The following PLEKHH1 variants were observed in gnomAD, a reference collection of about 807,000 sequenced individuals.
The protein encoded by PLEKHH1 is pleckstrin homology, MyTH4 and FERM domain containing H1, also known as pleckstrin homology domain-containing family H member 1.
A neutral mutation model predicts 160.0 loss-of-function variants in PLEKHH1; 104 were observed. The ratio of observed to expected loss-of-function variants is 0.65; its 90% confidence interval spans 0.55 to 0.76. PLEKHH1 has a LOEUF of 0.76. Ranked by LOEUF, PLEKHH1 falls within the 30% of genes least tolerant of loss-of-function variation. The pLI, the probability that PLEKHH1 is intolerant of heterozygous loss-of-function variation, is 0.00. For synonymous variants in PLEKHH1, 619 were observed against 678.4 expected (o/e 0.91, Z 1.36); for missense variants, 1,427 against 1,724.1 (o/e 0.83, Z 3.05).
intron 2 of PLEKHH1, among the ~76,000 whole-genome samples, chr14:67,542,784 T>G (rs1030849506): frequency 4.6e-5 from 7 of 152,168 alleles, no homozygotes; most frequent in African/African-American, 1.7e-4. Context: ...CGCCACAATC[T>G]CCGCCTCCTG....
At chr14:67,554,854 T>G (rs2034531301) in intron 2 of PLEKHH1, among the ~76,000 whole-genome samples, 1 of 152,172 alleles carries the variant, frequency 6.6e-6, no homozygotes, top group Non-Finnish European at 1.5e-5. Context: ...TATCCAGAAT[T>G]TCCATGCTCC....
intron 9 of PLEKHH1, chr14:67,571,475 A>G (rs1238432103): frequency 1.1e-5 from 4 of 367,676 alleles, no homozygotes; most frequent in Non-Finnish European, 2.0e-5. Flanking sequence ...CCCTAGTGGC[A>G]AGGAGCGAGG....
At chr14:67,567,291 A>G (rs1267752685) in intron 7 of PLEKHH1, among the ~76,000 whole-genome samples, 1 of 152,228 alleles carries the variant, frequency 6.6e-6, no homozygotes, top group African/African-American at 2.4e-5. Context: ...TGACGGTGTG[A>G]GAAATACTTA....
Position 67,546,547 on chromosome 14 carries a change from C to T in PLEKHH1, c.126+4554C>T, listed in dbSNP as rs142492798. 2.4e-3 allele frequency among the ~76,000 whole-genome samples: 369 copies of T among 152,208 alleles called. 4 individuals are homozygous for T. Among genetic ancestry groups the T allele is most frequent in the African/African-American group, 8.5e-3 (354 of 41,516 alleles). ...CTGGGATTACAGGCGCGCGCCACCA[C>T]GCCCAGCTAATTTTGTATTTTTGGT... is the stretch of plus-strand genomic sequence containing the variant. On this transcript the variant is annotated intron_variant, in intron 2 of 28. Coordinates refer to ENST00000329153, the MANE Select transcript of PLEKHH1 (RefSeq NM_020715.3).
chr14:67,573,671 A>G lies in PLEKHH1; in HGVS notation c.1840-130A>G. 1 of 720,784 alleles carries G rather than the reference A, an allele frequency of 1.4e-6. No homozygotes were observed. Among genetic ancestry groups the G allele is most frequent in the African/African-American group, 1.7e-5 (1 of 57,440 alleles). The allele number at this position is 720,784 out of a possible 1,614,324, so 44.6% of individuals were successfully genotyped here. A position where few individuals can be genotyped will look rare whatever the true frequency, so the allele number is the denominator to read the frequency against. On this transcript the variant is annotated intron_variant, in intron 12 of 28. Transcript: ENST00000329153. The surrounding 1 kb of genome is among the most constrained non-coding windows in gnomAD (Gnocchi z 4.8). ...CAGAATCTAGAATAAGTCACCCATC[A>G]TAACACAGCCAGAATGCTGGGAATC... is the stretch of plus-strand genomic sequence containing the variant.
At chr14:67,541,499 T>C (rs2140326322) in intron 1 of PLEKHH1, among the ~76,000 whole-genome samples, 1 of 152,368 alleles carries the variant, frequency 6.6e-6, no homozygotes. Context: ...AAGTAGCTGT[T>C]TAATGGATAA....
chr14:67,578,358 C>T lies in PLEKHH1; in HGVS notation c.2751+159C>T, dbSNP rs923825092. Among the ~76,000 whole-genome samples, 1 of 152,198 alleles carries T rather than the reference C, an allele frequency of 6.6e-6. No homozygotes were observed. The highest frequency in any genetic ancestry group is 1.5e-5 in the Non-Finnish European group (1 of 68,032). On this transcript the variant is annotated intron_variant, in intron 19 of 28. Coordinates refer to ENST00000329153, the MANE Select transcript of PLEKHH1 (RefSeq NM_020715.3). This position sits in a 1 kb window ranked among gnomAD's most constrained non-coding sequence, Gnocchi z 5.0. ...TCAGTACGGCTGAGCTGTCTATGCA[C>T]AGATGGGTGATTGCATTCTGGACAC...
chr14:67,584,559 G>C (rs986864204), intron 26 of PLEKHH1, among the ~76,000 whole-genome samples: 4 of 152,168 alleles, frequency 2.6e-5, no homozygotes, highest in African/African-American at 9.7e-5. Context: ...ATTTCAGAAG[G>C]AACTTTTCTT....
At chr14:67,585,815 T>C in intron 27 of PLEKHH1, 136 bp from the exon 28 acceptor site, 2 of 1,074,966 alleles carry the variant, frequency 1.9e-6, no homozygotes, top group South Asian at 3.0e-5. Context: ...CTTGTAGATA[T>C]TCAAGATGGA....
chr14:67,574,165 G>C lies in PLEKHH1; in HGVS notation c.1927-77G>C. 7.4e-7 allele frequency: 1 copy of C among 1,347,330 alleles called. No homozygotes were observed. Among genetic ancestry groups the C allele is most frequent in the Non-Finnish European group, 1.0e-6 (1 of 995,806 alleles). 83.5% of individuals were successfully genotyped at this position (1,347,330 alleles called of 1,614,324 possible). ...GCCAGCCCCTTGGGTTCAGGGACAG[G>C]TGCCACCTCGGAGCCAGGTCCTGGT... On this transcript the variant is annotated intron_variant, in intron 13 of 28. Coordinates refer to ENST00000329153, the MANE Select transcript of PLEKHH1 (RefSeq NM_020715.3). The surrounding 1 kb of genome is among the most constrained non-coding windows in gnomAD (Gnocchi z 4.2).
At chr14:67,539,363 T>C (rs1328402386) in intron 1 of PLEKHH1, among the ~76,000 whole-genome samples, 1 of 152,158 alleles carries the variant, frequency 6.6e-6, no homozygotes, top group Non-Finnish European at 1.5e-5. Context: ...ATGCAGGGAT[T>C]GTTTAGATGA....
chr14:67,583,781 C>G lies in PLEKHH1; in HGVS notation c.3467C>G (p.Pro1156Arg), dbSNP rs2140549084. The G allele has an allele frequency of 6.2e-7, 1 of 1,612,588 alleles. No individual in the cohort carries two copies. The change falls in exon 25 of 29, where the codon CCT (proline) becomes CGT (arginine). Residue 1156 changes from proline (P) to arginine (R), a missense_variant. By Grantham distance (103) the Pro-to-Arg change is moderately radical. This residue lies in a region of PLEKHH1 where 436 missense variants were observed against 607.5 expected (regional missense o/e 0.72). Transcript: ENST00000329153. ...GDLEKPALPG[P>R]GGTSPAKAQH... ...TTGGAGAAGCCTGCCCTGCCAGGCCCTGGAGGCACATCCCCTGCCAAGGCT... is the reference window on the plus strand; with the variant it reads ...TTGGAGAAGCCTGCCCTGCCAGGCCGTGGAGGCACATCCCCTGCCAAGGCT...
intron 2 of PLEKHH1, among the ~76,000 whole-genome samples, chr14:67,550,213 A>G (rs1389407399): frequency 6.6e-6 from 1 of 151,596 alleles, no homozygotes; most frequent in East Asian, 1.9e-4. Flanking sequence ...TTTTGAGGCA[A>G]AGTCTCACTC....
At chr14:67,545,079 G>A (rs2034123579) in intron 2 of PLEKHH1, among the ~76,000 whole-genome samples, 1 of 152,184 alleles carries the variant, frequency 6.6e-6, no homozygotes, top group African/African-American at 2.4e-5. Context: ...CCAGGCTGAT[G>A]TTTCTTTCTT....
At chr14:67,566,618 C>T (rs556251567) in intron 7 of PLEKHH1, among the ~76,000 whole-genome samples, 1 of 152,040 alleles carries the variant, frequency 6.6e-6, no homozygotes, top group African/African-American at 2.4e-5. Context: ...CATGGTGGCA[C>T]ATGCCGGTAG....
In PLEKHH1 at chr14:67,573,088, T is replaced by C. The variant is rs2035463687; in HGVS notation, c.1729-188T>C. On this transcript the variant is annotated intron_variant, in intron 11 of 28. Coordinates refer to ENST00000329153, the MANE Select transcript of PLEKHH1 (RefSeq NM_020715.3). This position sits in a 1 kb window ranked among gnomAD's most constrained non-coding sequence, Gnocchi z 4.8. ...AGCCCTTCCTTGGCAGGACCACCCA[T>C]GTTTTATTTAGTCCTCTCTGAACCA... Among the ~76,000 whole-genome samples, 1 of 152,190 alleles carries C rather than the reference T, an allele frequency of 6.6e-6. No homozygotes were observed. The highest frequency in any genetic ancestry group is 2.4e-5 in the African/African-American group (1 of 41,440).
chr14:67,559,137 A>G (rs1291741283), intron 4 of PLEKHH1, among the ~76,000 whole-genome samples: 1 of 152,194 alleles, frequency 6.6e-6, no homozygotes, highest in African/African-American at 2.4e-5. Context: ...AACCTTTTCA[A>G]TCATCTCCTC....
intron 2 of PLEKHH1, among the ~76,000 whole-genome samples, chr14:67,548,827 G>C (rs892859957): frequency 2.0e-5 from 3 of 152,174 alleles, no homozygotes; most frequent in African/African-American, 7.2e-5. Context: ...TGTCACAATC[G>C]CTTGCCAGTT....
chr14:67,581,080 G>GGCAC, intron 23 of PLEKHH1, 42 bp downstream of exon 23: 2 of 1,229,052 alleles, frequency 1.6e-6, no homozygotes, highest in Non-Finnish European at 2.4e-6. Context: ...CACAAGGGCT[G>GGCAC]CCACTGGGTG....
Sources: allele counts gnomAD v4.1 joint callset (sites outside exome capture counted in the v4.1 genomes callset), GRCh38; gene constraint gnomAD v4.1.1; regional missense constraint gnomAD v4.1.1; non-coding constraint Gnocchi (gnomAD v3.1); transcripts MANE v1.5; gene names NCBI Gene and HGNC (gene_info 2026-07-23, HGNC 2026-07-21).